ARSB: variants seen among roughly 807,000 people sequenced by gnomAD.
ARSB encodes N-acetylgalactosamine-4-sulfatase.
In ARSB, 41 loss-of-function variants were observed where a neutral mutation model predicts 50.9. That is an observed-to-expected ratio of 0.81 (90% CI 0.63 to 1.04). The LOEUF is 1.04. Among genes scored for constraint, ARSB ranks in the 50% least tolerant of loss-of-function variants. The pLI, the probability that ARSB is intolerant of heterozygous loss-of-function variation, is 0.00. For synonymous variants in ARSB, 269 were observed against 284.8 expected, an observed-to-expected ratio of 0.94 and a Z score of 0.56; for missense variants, 672 against 693.3, an observed-to-expected ratio of 0.97 and a Z score of 0.35.
intron 6 of ARSB, among the ~76,000 whole-genome samples, chr5:78,785,449 A>G (rs1190737043): frequency 6.6e-6 from 1 of 152,176 alleles, no homozygotes; most frequent in Non-Finnish European, 1.5e-5. Context: ...TCAGTTACTG[A>G]GAGAGGTATG....
At chr5:78,816,041 T>C (rs1221413667) in intron 6 of ARSB, 2 of 1,492,016 alleles carry the variant, frequency 1.3e-6, no homozygotes, top group Non-Finnish European at 9.2e-7. Flanking sequence ...CTGAAGTCAT[T>C]TCTTATGCCC....
intron 4 of ARSB, among the ~76,000 whole-genome samples, chr5:78,918,609 C>T (rs2112342392): frequency 6.6e-6 from 1 of 152,250 alleles, no homozygotes; most frequent in African/African-American, 2.4e-5. Context: ...TTCAACCCAA[C>T]ATGGTATTTC....
Position 78,798,873 on chromosome 5 carries a change from T to C in ARSB, c.1214-16899A>G, listed in dbSNP as rs148079123. Among the ~76,000 whole-genome samples the C allele has an allele frequency of 7.0e-3, 1,062 of 152,198 alleles. 14 individuals carry two copies. Among genetic ancestry groups the C allele is most frequent in the African/African-American group, 0.024 (1,011 of 41,510 alleles). ...CTTCCAAGGGCAGCCCTCCACAACA[T>C]TGCTGTCCATGGCCCAAACCCAGGC... is the stretch of plus-strand genomic sequence containing the variant. On this transcript the variant is annotated intron_variant, in intron 6 of 7. Transcript: ENST00000264914.
chr5:78,803,157 T>C (rs1208964833), intron 6 of ARSB, among the ~76,000 whole-genome samples: 1 of 152,260 alleles, frequency 6.6e-6, no homozygotes, highest in Non-Finnish European at 1.5e-5. Context: ...CTGTGGGCCA[T>C]GGAGAGAGTC....
rs1035719766 is a variant in ARSB, at chr5:78,815,998, G to A, written c.1213+23358C>T. 35 of 1,557,262 alleles carry A rather than the reference G, an allele frequency of 2.2e-5. 2 individuals are homozygous for A. The highest frequency in any genetic ancestry group is 1.7e-4 in the Admixed American group (10 of 57,850). On this transcript the variant is annotated intron_variant, in intron 6 of 7. Transcript: ENST00000264914. ...TCTGCCACTTCTGCAGGAGCCACCC[G>A]AGGCCTTGAGGGGCCCTTTCAGAAC...
intron 6 of ARSB, among the ~76,000 whole-genome samples, chr5:78,801,207 T>C (rs1251129531): frequency 6.6e-6 from 1 of 152,178 alleles, no homozygotes; most frequent in Admixed American, 6.5e-5. Context: ...GTTTCTAGGA[T>C]GACCTGATAG....
At chr5:78,925,765 G>A (rs1475960688) in intron 4 of ARSB, among the ~76,000 whole-genome samples, 1 of 152,124 alleles carries the variant, frequency 6.6e-6, no homozygotes, top group Non-Finnish European at 1.5e-5. Flanking sequence ...TCTGGCACTG[G>A]TCCCCTGTGC....
chr5:78,937,377 GAT>G (rs1750671129), intron 4 of ARSB, among the ~76,000 whole-genome samples: 2 of 138,508 alleles, frequency 1.4e-5, no homozygotes, highest in South Asian at 2.2e-4. Flanking sequence ...ATATATGTAA[GAT>G]ATATATATCA....
At chr5:78,927,382 G>T (rs1381571921) in intron 4 of ARSB, among the ~76,000 whole-genome samples, 1 of 152,036 alleles carries the variant, frequency 6.6e-6, no homozygotes, top group East Asian at 1.9e-4. Flanking sequence ...GCTACCTGTT[G>T]AACAGCACAG....
At chr5:78,982,406 A>G (rs672413) in intron 1 of ARSB, among the ~76,000 whole-genome samples, 94,981 of 152,130 alleles carry the variant, frequency 0.62, 30,562 homozygotes, top group Admixed American at 0.71. Context: ...ACCTTGAGAT[A>G]TTTAGGAATG....
chr5:78,880,919 G>A (rs943651714), intron 5 of ARSB, among the ~76,000 whole-genome samples: 2 of 152,002 alleles, frequency 1.3e-5, no homozygotes, highest in South Asian at 2.1e-4. Context: ...CACATAACAC[G>A]CACACCATCT....
chr5:78,983,652 G>A (rs548295409), intron 1 of ARSB, among the ~76,000 whole-genome samples: 2 of 152,276 alleles, frequency 1.3e-5, no homozygotes, highest in East Asian at 3.9e-4. Context: ...ATGGTGAAGG[G>A]AAGCATCCTT....
chr5:78,895,461 A>C (rs1203397769), intron 4 of ARSB, among the ~76,000 whole-genome samples: 1 of 152,236 alleles, frequency 6.6e-6, no homozygotes, highest in Non-Finnish European at 1.5e-5. Flanking sequence ...GTTTAGACCT[A>C]GCAAAAAGGT....
At chr5:78,907,841 T>C (rs573179765) in intron 4 of ARSB, among the ~76,000 whole-genome samples, 12 of 152,236 alleles carry the variant, frequency 7.9e-5, no homozygotes, top group South Asian at 2.1e-4. Context: ...TAGCTTTAAA[T>C]TACAGCAGAG....
At chr5:78,919,484 C>CATTTATTT (rs202013064) in intron 4 of ARSB, among the ~76,000 whole-genome samples, 5 of 151,744 alleles carry the variant, frequency 3.3e-5, no homozygotes, top group South Asian at 2.1e-4. Context: ...TTCATTTATT[C>CATTTATTT]ATTTATTTAT....
chr5:78,859,780 C>T (rs1746337763), intron 5 of ARSB, among the ~76,000 whole-genome samples: 1 of 152,058 alleles, frequency 6.6e-6, no homozygotes, highest in Admixed American at 6.6e-5. Flanking sequence ...TGTGCCTCCT[C>T]TCACCCCGAA....
chr5:78,955,962 T>C (rs62377867), intron 3 of ARSB, among the ~76,000 whole-genome samples: 26,784 of 152,196 alleles, frequency 0.18, 2,411 homozygotes, highest in Middle Eastern at 0.23. Context: ...CATAGCCACT[T>C]TGAAGAAACA....
At chr5:78,885,215 T>C in intron 5 of ARSB, 1 of 311,838 alleles carries the variant, frequency 3.2e-6, no homozygotes, top group Non-Finnish European at 5.8e-6. Context: ...CTATTCCAGC[T>C]TTTTCCCTGC....
chr5:78,850,515 A>G (rs1745713865), intron 5 of ARSB, among the ~76,000 whole-genome samples: 1 of 152,042 alleles, frequency 6.6e-6, no homozygotes, highest in Non-Finnish European at 1.5e-5. Flanking sequence ...TTGGTCTAAA[A>G]TTCTCTTTTT....
Sources: allele counts gnomAD v4.1 joint callset (sites outside exome capture counted in the v4.1 genomes callset), GRCh38; gene constraint gnomAD v4.1.1; transcripts MANE v1.5; gene names NCBI Gene and HGNC (gene_info 2026-07-23, HGNC 2026-07-21).